The following TTLL11 variants were observed in gnomAD, a reference collection of about 807,000 sequenced individuals.
TTLL11 encodes the protein tubulin tyrosine ligase like 11, also known as tubulin polyglutamylase TTLL11.
Under a neutral mutation model 51.7 loss-of-function variants are expected in TTLL11, and 42 were observed. The observed-to-expected ratio is 0.81, with a 90% CI of 0.64 to 1.05. The LOEUF (loss-of-function observed/expected upper bound fraction) is 1.05, where lower values mean the gene tolerates loss of function less well. TTLL11 is among the 50% of genes least tolerant of loss of function. The pLI, the probability that TTLL11 is intolerant of heterozygous loss-of-function variation, is 0.00. For missense variants in TTLL11, 799 were observed against 940.4 expected, an observed-to-expected ratio of 0.85 and a Z score of 1.97; for synonymous variants, 381 against 383.5, an observed-to-expected ratio of 0.99 and a Z score of 0.08.
intron 6 of TTLL11, among the ~76,000 whole-genome samples, chr9:121,895,273 G>C (rs999439592): frequency 2.0e-5 from 3 of 152,048 alleles, no homozygotes; most frequent in African/African-American, 7.2e-5. Context: ...GTGTCTGTGT[G>C]AGCTATGTTT....
intron 1 of TTLL11, among the ~76,000 whole-genome samples, chr9:122,067,097 T>A (rs886845929): frequency 6.6e-6 from 1 of 152,162 alleles, no homozygotes; most frequent in African/African-American, 2.4e-5. Flanking sequence ...CCAGCCCATA[T>A]CATAATGACA....
intron 8 of TTLL11, among the ~76,000 whole-genome samples, chr9:121,825,009 G>C (rs1588049135): frequency 6.6e-6 from 1 of 152,194 alleles, no homozygotes; most frequent in South Asian, 2.1e-4. Context: ...CATCCTACAA[G>C]GGCGCTGCTC....
At chr9:121,913,292 C>T (rs757111626) in intron 6 of TTLL11, among the ~76,000 whole-genome samples, 1 of 152,042 alleles carries the variant, frequency 6.6e-6, no homozygotes, top group Non-Finnish European at 1.5e-5. Context: ...GGTCAAAGTC[C>T]AAATCTTACT....
intron 3 of TTLL11, among the ~76,000 whole-genome samples, chr9:122,010,653 A>G (rs933115123): frequency 6.6e-6 from 1 of 152,198 alleles, no homozygotes; most frequent in Non-Finnish European, 1.5e-5. Flanking sequence ...CAAATATAGT[A>G]TTGTTAGCTG....
Position 121,944,144 on chromosome 9 carries a change from C to A in TTLL11, c.1481+29865G>T, listed in dbSNP as rs566009364. 1.1e-4 allele frequency among the ~76,000 whole-genome samples: 17 copies of A among 152,322 alleles called. No individual in the cohort carries two copies. The South Asian group carries it at 3.5e-3, about 32-fold the overall frequency. ...GAAGGCTGGTTGCACCATGAATAAT[C>A]ATTGAAGGACTAAACTTTTGCCCTT... is the stretch of plus-strand genomic sequence containing the variant. On this transcript the variant is annotated intron_variant, in intron 6 of 8. Transcript: ENST00000321582.
chr9:121,948,634 G>A (rs578067831), intron 6 of TTLL11, among the ~76,000 whole-genome samples: 179 of 152,290 alleles, frequency 1.2e-3, no homozygotes, highest in African/African-American at 4.2e-3. Context: ...TGCAGAAACT[G>A]AAGTTTGAAG....
intron 6 of TTLL11, among the ~76,000 whole-genome samples, chr9:121,908,819 C>T (rs1840023856): frequency 6.6e-6 from 1 of 152,188 alleles, no homozygotes; most frequent in Admixed American, 6.5e-5. Context: ...ATTTCCTCTC[C>T]TTGTAAGGAC....
chr9:122,008,890 A>C (rs72765985), intron 3 of TTLL11, among the ~76,000 whole-genome samples: 4,206 of 152,356 alleles, frequency 0.028, 87 homozygotes, highest in South Asian at 0.055. Flanking sequence ...TGTCATTTGC[A>C]ACAACTTGGA....
chr9:122,021,901 G>A (rs111782996), intron 3 of TTLL11, among the ~76,000 whole-genome samples: 1 of 152,184 alleles, frequency 6.6e-6, no homozygotes, highest in African/African-American at 2.4e-5. Context: ...GTGACATTAT[G>A]AGAGTGATTA....
chr9:122,088,385 T>C (rs570289373), intron 1 of TTLL11, among the ~76,000 whole-genome samples: 1 of 152,372 alleles, frequency 6.6e-6, no homozygotes, highest in African/African-American at 2.4e-5. Context: ...GAGTGTATCC[T>C]GTTCACATCT....
Position 121,973,683 on chromosome 9 carries a change from T to G in TTLL11, c.1481+326A>C, listed in dbSNP as rs915211536. Among the ~76,000 whole-genome samples, 5 of 152,268 alleles carry G rather than the reference T, an allele frequency of 3.3e-5. No individual in the cohort carries two copies. In the South Asian group the frequency reaches 1.0e-3, roughly 32 times the overall value. On this transcript the variant is annotated intron_variant, in intron 6 of 8. Transcript: ENST00000321582. ...GGGTGCAGCACACCAACATGGCACA[T>G]GTATACATATGTAACAAACCTGCAC...
intron 3 of TTLL11, among the ~76,000 whole-genome samples, chr9:122,018,107 C>T (rs12347282): frequency 0.046 from 6,441 of 139,422 alleles, 171 homozygotes; most frequent in African/African-American, 0.081. Flanking sequence ...ATAATAATGC[C>T]ACTTTTTTTT....
chr9:122,090,144 G>A (rs879820933), intron 1 of TTLL11, among the ~76,000 whole-genome samples: 12 of 139,316 alleles, frequency 8.6e-5, no homozygotes, highest in Admixed American at 2.8e-4. Flanking sequence ...TGCGGCTACC[G>A]AAGTAGAGAG....
rs115217179 is a variant in TTLL11, at chr9:122,045,059, T to C, written c.463-5691A>G. On this transcript the variant is annotated intron_variant, in intron 1 of 8. Coordinates refer to ENST00000321582, the MANE Select transcript of TTLL11 (RefSeq NM_001139442.2). ...TGTTTGAGGCTATAGTGAACTATGA[T>C]TGCACCACTGCTCTCCAGCCTAGAT... Among the ~76,000 whole-genome samples the C allele has an allele frequency of 7.4e-3, 1,118 of 151,996 alleles. 16 individuals carry two copies. Among genetic ancestry groups the C allele is most frequent in the African/African-American group, 0.026 (1,077 of 41,470 alleles).
intron 8 of TTLL11, among the ~76,000 whole-genome samples, chr9:121,850,339 C>T (rs1251577150): frequency 6.6e-6 from 1 of 152,128 alleles, no homozygotes; most frequent in Non-Finnish European, 1.5e-5. Flanking sequence ...GTGGCTCAGT[C>T]CAAGTCTGAT....
chr9:122,055,800 G>T (rs1439674071), intron 1 of TTLL11, among the ~76,000 whole-genome samples: 2 of 152,164 alleles, frequency 1.3e-5, no homozygotes, highest in Non-Finnish European at 2.9e-5. Flanking sequence ...AGCAACCAAG[G>T]CTCGGAAAGG....
chr9:121,889,547 C>G (rs1199829875), intron 6 of TTLL11, among the ~76,000 whole-genome samples: 2 of 152,112 alleles, frequency 1.3e-5, no homozygotes, highest in Non-Finnish European at 2.9e-5. Context: ...CCACATCACC[C>G]CCAGCAACCA....
intron 6 of TTLL11, among the ~76,000 whole-genome samples, chr9:121,918,080 G>A (rs950513809): frequency 6.6e-6 from 1 of 152,256 alleles, no homozygotes; most frequent in African/African-American, 2.4e-5. Context: ...CCAGCCTTCA[G>A]CCTGTGGTCA....
At position 121,899,253 on chromosome 9, in the gene TTLL11, C is replaced by T. The variant is rs141070485; in HGVS notation, c.1482-28505G>A. Among the ~76,000 whole-genome samples the T allele has an allele frequency of 3.0e-3, 461 of 152,162 alleles. 3 individuals are homozygous for T. The highest frequency in any genetic ancestry group is 0.011 in the African/African-American group (443 of 41,510). On this transcript the variant is annotated intron_variant, in intron 6 of 8. Transcript: ENST00000321582. ...CCTCTGCGTGTTTACTCAACACCGC[C>T]TTCTCAATAAGCCCTGCCCTAAACA...
Sources: allele counts gnomAD v4.1 joint callset (sites outside exome capture counted in the v4.1 genomes callset), GRCh38; gene constraint gnomAD v4.1.1; transcripts MANE v1.5; gene names NCBI Gene and HGNC (gene_info 2026-07-23, HGNC 2026-07-21).